The following VAPA variants were observed in gnomAD, a reference collection of about 807,000 sequenced individuals.
VAPA encodes the protein vesicle-associated membrane protein-associated protein A.
A neutral mutation model predicts 25.6 loss-of-function variants in VAPA; 6 were observed. The ratio of observed to expected loss-of-function variants is 0.23; its 90% confidence interval spans 0.13 to 0.46. VAPA has a LOEUF of 0.46. Among genes scored for constraint, VAPA ranks in the 20% least tolerant of loss-of-function variants. The pLI, the probability that VAPA is intolerant of heterozygous loss-of-function variation, is 0.99. For synonymous variants in VAPA, 112 were observed against 106.2 expected (o/e 1.05, Z -0.34); for missense variants, 244 against 302.1 (o/e 0.81, Z 1.43).
chr18:9,918,780 A>G (rs934013167), intron 1 of VAPA, among the ~76,000 whole-genome samples: 4 of 152,238 alleles, frequency 2.6e-5, no homozygotes, highest in African/African-American at 4.8e-5. Flanking sequence ...CCGTCAGTCA[A>G]GAGCACATAC....
At chr18:9,939,016 A>G (rs1395552498) in intron 4 of VAPA, among the ~76,000 whole-genome samples, 1 of 152,186 alleles carries the variant, frequency 6.6e-6, no homozygotes, top group Non-Finnish European at 1.5e-5. Context: ...GAGATAAAAG[A>G]GTTTTAATGA....
chr18:9,915,349 G>A (rs930286762), intron 1 of VAPA, among the ~76,000 whole-genome samples: 1 of 152,192 alleles, frequency 6.6e-6, no homozygotes, highest in African/African-American at 2.4e-5. Flanking sequence ...GTCTGACTTG[G>A]TGATCCTGGA....
intron 1 of VAPA, among the ~76,000 whole-genome samples, chr18:9,928,074 T>C (rs1046314327): frequency 2.0e-5 from 3 of 152,150 alleles, no homozygotes; most frequent in Non-Finnish European, 2.9e-5. Flanking sequence ...TCAATACTTT[T>C]GATTAAAATG....
At chr18:9,939,518 CTTTT>C (rs77169950) in intron 4 of VAPA, among the ~76,000 whole-genome samples, 5 of 133,146 alleles carry the variant, frequency 3.8e-5, no homozygotes, top group Non-Finnish European at 6.4e-5. Context: ...CGTTTCCTCT[CTTTT>C]TTTTTTTTTT....
chr18:9,917,359 C>T (rs1176665843), intron 1 of VAPA, among the ~76,000 whole-genome samples: 2 of 152,118 alleles, frequency 1.3e-5, no homozygotes, highest in Admixed American at 1.3e-4. Context: ...GGCTCGATCT[C>T]GGCTCATTGC....
chr18:9,931,403 C>G (rs1401276580), intron 1 of VAPA, among the ~76,000 whole-genome samples: 1 of 152,102 alleles, frequency 6.6e-6, no homozygotes, highest in African/African-American at 2.4e-5. Flanking sequence ...GGTGTAGGGT[C>G]TTCAGATGTA....
At chr18:9,948,165 T>A (rs924182841) in intron 4 of VAPA, 1 of 152,288 alleles carries the variant, frequency 6.6e-6, no homozygotes, top group African/African-American at 2.4e-5. Flanking sequence ...AACAAAAAAA[T>A]CTAATTCTAT....
In VAPA at chr18:9,958,672, G is replaced by C. The variant is rs1343724299; in HGVS notation, c.*4461G>C. ...AAATGCCAAAGGCAGATATGAAGTA[G>C]ATTTAATTAAGACTTGACTTCAGCA... On this transcript the variant is annotated 3_prime_UTR_variant, in exon 6 of 6. Transcript: ENST00000400000. The C allele has an allele frequency of 6.6e-6, 1 of 152,076 alleles. No individual in the cohort carries two copies. Among genetic ancestry groups the C allele is most frequent in the African/African-American group, 2.4e-5 (1 of 41,408 alleles). The allele number at this position is 152,076 out of a possible 1,614,324, so 9.4% of individuals were successfully genotyped here.
rs1033983476 is a variant in VAPA at position 9,957,302 on chromosome 18, T to G, written c.*3091T>G. On this transcript the variant is annotated 3_prime_UTR_variant, in exon 6 of 6. Transcript: ENST00000400000. The stretch of plus-strand genomic sequence containing the variant: ...CCTCCCAAAGTGCTGGGATTACAGG[T>G]GTGAGCTGCCGCACCCAGCCAAGAA... The G allele has an allele frequency of 6.6e-6, 1 of 152,194 alleles. No homozygotes were observed. Among genetic ancestry groups the G allele is most frequent in the Non-Finnish European group, 1.5e-5 (1 of 68,050 alleles). 9.4% of individuals were successfully genotyped at this position (152,194 alleles called of 1,614,324 possible).
Position 9,957,967 on chromosome 18 carries a change from G to C in VAPA, c.*3756G>C, listed in dbSNP as rs1228016690. On this transcript the variant is annotated 3_prime_UTR_variant, in exon 6 of 6. Coordinates refer to ENST00000400000, the MANE Select transcript of VAPA (RefSeq NM_194434.3). ...CTTGGGAATGAATGCCCAGCCGCTC[G>C]TGGGTTGGTGCAAAGAAGTATAAAC... 6.6e-6 allele frequency: 1 copy of C among 152,208 alleles called. No individual in the cohort carries two copies. The highest frequency in any genetic ancestry group is 2.4e-5 in the African/African-American group (1 of 41,462). The allele number at this position is 152,208 out of a possible 1,614,324, so 9.4% of individuals were successfully genotyped here.
At position 9,914,344 on chromosome 18, in the gene VAPA, A is replaced by AACGGGGACACCCCCGGGTGGGGTGGGGC. The variant is rs2069091002; in HGVS notation, c.79+10_79+37dup. On this transcript the variant is annotated intron_variant, in intron 1 of 5. Coordinates refer to ENST00000400000, the MANE Select transcript of VAPA (RefSeq NM_194434.3). ...AGACCTCAAATTCAAAGGTAGGCAGAACGGGGACACCCCCGGGTGGGGTGG... is the reference window on the plus strand; with the variant it reads ...AGACCTCAAATTCAAAGGTAGGCAGAACGGGGACACCCCCGGGTGGGGTGGGGCACGGGGACACCCCCGGGTGGGGTGG... The AACGGGGACACCCCCGGGTGGGGTGGGGC allele has an allele frequency of 1.3e-6, 2 of 1,572,216 alleles. No homozygotes were observed. Among genetic ancestry groups the AACGGGGACACCCCCGGGTGGGGTGGGGC allele is most frequent in the Admixed American group, 1.8e-5 (1 of 55,534 alleles).
intron 4 of VAPA, chr18:9,947,902 T>C (rs2069442502): frequency 6.6e-6 from 1 of 152,108 alleles, no homozygotes; most frequent in South Asian, 2.1e-4. Flanking sequence ...CATATACATA[T>C]ATAGCATAAC....
intron 4 of VAPA, among the ~76,000 whole-genome samples, chr18:9,944,321 A>G (rs185496993): frequency 6.6e-6 from 1 of 152,162 alleles, no homozygotes; most frequent in Non-Finnish European, 1.5e-5. Flanking sequence ...GGTATCAGTA[A>G]GTATAATTAG....
At position 9,956,046 on chromosome 18, in the gene VAPA, C is replaced by A. The variant is rs1370073038; in HGVS notation, c.*1835C>A. 6.6e-6 allele frequency: 1 copy of A among 152,146 alleles called. No individual in the cohort carries two copies. The highest frequency in any genetic ancestry group is 1.5e-5 in the Non-Finnish European group (1 of 68,026). The allele number at this position is 152,146 out of a possible 1,614,324, so 9.4% of individuals were successfully genotyped here. A position where few individuals can be genotyped will look rare whatever the true frequency, so the allele number is the denominator to read the frequency against. ...AAATACCAAGTTTGGTATCTCATAG[C>A]TATCTTTTTTTAAAGAAATTAAGTT... On this transcript the variant is annotated 3_prime_UTR_variant, in exon 6 of 6. Transcript: ENST00000400000.
intron 1 of VAPA, among the ~76,000 whole-genome samples, chr18:9,926,706 A>G (rs1360170565): frequency 2.0e-5 from 3 of 152,164 alleles, no homozygotes; most frequent in African/African-American, 7.2e-5. Context: ...AGTGGGCTGC[A>G]CAGAAACCTA....
At chr18:9,929,187 T>G (rs1167968300) in intron 1 of VAPA, among the ~76,000 whole-genome samples, 2 of 152,116 alleles carry the variant, frequency 1.3e-5, no homozygotes, top group Non-Finnish European at 2.9e-5. Flanking sequence ...GGAAAAGAGG[T>G]TTTTCACCAA....
chr18:9,934,962 G>A (rs151101651), intron 2 of VAPA, among the ~76,000 whole-genome samples: 3,598 of 152,102 alleles, frequency 0.024, 56 homozygotes, highest in Middle Eastern at 0.072. Flanking sequence ...GGGCATGGTG[G>A]CAGGCGCCTG....
intron 1 of VAPA, among the ~76,000 whole-genome samples, chr18:9,929,870 T>C (rs995969242): frequency 6.6e-6 from 1 of 152,190 alleles, no homozygotes; most frequent in Non-Finnish European, 1.5e-5. Context: ...CTGTTAAGAA[T>C]TTAGTTTTGA....
chr18:9,956,982 C>G lies in VAPA; in HGVS notation c.*2771C>G, dbSNP rs913585976. The G allele has an allele frequency of 6.6e-6, 1 of 151,988 alleles. No individual in the cohort carries two copies. Among genetic ancestry groups the G allele is most frequent in the Non-Finnish European group, 1.5e-5 (1 of 67,992 alleles). 9.4% of individuals were successfully genotyped at this position (151,988 alleles called of 1,614,324 possible). A position where few individuals can be genotyped will look rare whatever the true frequency, so the allele number is the denominator to read the frequency against. On this transcript the variant is annotated 3_prime_UTR_variant, in exon 6 of 6. Transcript: ENST00000400000. ...TATGTTCCCTTAAAAAAAAATGACA[C>G]TTGGAAGAAAAATGTATGAAATTCA...
Sources: allele counts gnomAD v4.1 joint callset (sites outside exome capture counted in the v4.1 genomes callset), GRCh38; gene constraint gnomAD v4.1.1; transcripts MANE v1.5; gene names NCBI Gene and HGNC (gene_info 2026-07-23, HGNC 2026-07-21).